Variants in CLPTM1L observed in about 807,000 individuals in gnomAD.
The protein encoded by CLPTM1L is CLPTM1 like, also known as lipid scramblase CLPTM1L.
A neutral mutation model predicts 70.9 loss-of-function variants in CLPTM1L; 38 were observed. That is an observed-to-expected ratio of 0.54 (90% CI 0.41 to 0.70). CLPTM1L has a LOEUF of 0.70. CLPTM1L is among the 30% of genes least tolerant of loss of function. The pLI is 0.00. For synonymous variants in CLPTM1L, 339 were observed against 299.9 expected (o/e 1.13, Z -1.35); for missense variants, 652 against 705.9 (o/e 0.92, Z 0.87).
chr5:1,321,631 T>C lies in CLPTM1L; in HGVS notation c.1416+4A>G, dbSNP rs539152670. The C allele has an allele frequency of 6.2e-7, 1 of 1,613,592 alleles. No individual in the cohort carries two copies. Among genetic ancestry groups the C allele is most frequent in the African/African-American group, 1.3e-5 (1 of 75,048 alleles). On this transcript the variant is annotated splice_donor_region_variant and intron_variant, in intron 15 of 16. Coordinates refer to ENST00000320895, the MANE Select transcript of CLPTM1L (RefSeq NM_030782.5). ...AGGGATTCCTCACCGGCTGTCACAC[T>C]CACCTTGTAGGTGAAGGCCTTCCAG...
intron 6 of CLPTM1L, among the ~76,000 whole-genome samples, chr5:1,334,782 C>CAAAA (rs1215951524): frequency 6.6e-6 from 1 of 151,946 alleles, no homozygotes; most frequent in Non-Finnish European, 1.5e-5. Context: ...AACAAACAAA[C>CAAAA]AATAAAAATA....
intron 3 of CLPTM1L, 95 bp from the exon 4 acceptor site, chr5:1,339,100 A>G (rs1164349853): frequency 2.1e-6 from 3 of 1,409,390 alleles, no homozygotes; most frequent in Admixed American, 2.1e-5. Context: ...GAACGGCCAC[A>G]CAGACAGGCA....
rs939527654 is a variant in CLPTM1L, at chr5:1,318,422, C to T, written c.1564G>A (p.Glu522Lys). ...LYPVDKRRVNEFGESYEEKAT... is the reference protein window; with the variant it reads ...LYPVDKRRVNKFGESYEEKAT... ...TTCTCCTCGTAGGACTCCCCAAACT[C>T]GTTCACTCTGCGTTTATCCACAGGA... Residue 522 changes from glutamate to lysine, a missense_variant, in exon 17 of 17, where the codon GAG (glutamate) becomes AAG (lysine). Glu to Lys is a moderately conservative substitution (Grantham distance 56, BLOSUM62 1). Around this residue, in one of 3 missense-constraint regions of CLPTM1L, gnomAD observed 240 missense variants for 295.0 expected, o/e 0.81. Coordinates refer to ENST00000320895, the MANE Select transcript of CLPTM1L (RefSeq NM_030782.5). The surrounding 1 kb of genome is among the most constrained non-coding windows in gnomAD (Gnocchi z 8.9). 3.7e-6 allele frequency: 6 copies of T among 1,613,794 alleles called. No individual in the cohort carries two copies. The highest frequency in any genetic ancestry group is 2.7e-5 in the African/African-American group (2 of 74,922).
intron 12 of CLPTM1L, among the ~76,000 whole-genome samples, chr5:1,323,291 G>A (rs1432481576): frequency 7.6e-6 from 1 of 131,250 alleles, no homozygotes; most frequent in Non-Finnish European, 1.8e-5. Context: ...AGAGGCTGGA[G>A]GCTCCGGGAT....
At chr5:1,321,735 C>A (rs199731429) in intron 14 of CLPTM1L, 29 bp downstream of exon 14, 5 of 1,613,724 alleles carry the variant, frequency 3.1e-6, no homozygotes, top group African/African-American at 1.3e-5. Flanking sequence ...AGACGGGGGC[C>A]GGGCCGCGGG....
At position 1,320,609 on chromosome 5, in the gene CLPTM1L, C is replaced by T. The variant is rs1429340504; in HGVS notation, c.1532+7G>A. 1 of 1,508,302 alleles carries T rather than the reference C, an allele frequency of 6.6e-7. No homozygotes were observed. The highest frequency in any genetic ancestry group is 9.0e-7 in the Non-Finnish European group (1 of 1,116,870). The allele number at this position is 1,508,302 out of a possible 1,614,324, so 93.4% of individuals were successfully genotyped here. On this transcript the variant is annotated splice_region_variant and intron_variant, in intron 16 of 16. Transcript: ENST00000320895. ...AGCAACGGCCGAGCATACGCAGCCGCACTCACCACCGCTGGTACAGGTAGA... is the reference window on the plus strand; with the variant it reads ...AGCAACGGCCGAGCATACGCAGCCGTACTCACCACCGCTGGTACAGGTAGA...
At chr5:1,323,501 C>A (rs569669076) in intron 12 of CLPTM1L, among the ~76,000 whole-genome samples, 2 of 151,956 alleles carry the variant, frequency 1.3e-5, no homozygotes, top group African/African-American at 4.8e-5. Flanking sequence ...GCCAGCACCC[C>A]ACACGGGCAG....
intron 11 of CLPTM1L, 94 bp from the exon 12 acceptor site, chr5:1,323,963 A>T: frequency 1.0e-6 from 1 of 986,382 alleles, no homozygotes; most frequent in East Asian, 2.5e-5. Context: ...GGACAGACAG[A>T]ACGAGCTACA....
intron 5 of CLPTM1L, among the ~76,000 whole-genome samples, chr5:1,336,651 C>T (rs1429657765): frequency 2.6e-5 from 4 of 152,220 alleles, no homozygotes; most frequent in African/African-American, 9.6e-5. Flanking sequence ...CAGCAAACTC[C>T]AGCAAACAGA....
intron 8 of CLPTM1L, 195 bp downstream of exon 8, chr5:1,331,602 CCT>C (rs1480174899): frequency 1.7e-6 from 1 of 603,942 alleles, no homozygotes; most frequent in African/African-American, 1.9e-5. Flanking sequence ...AGCCGTGCAG[CCT>C]CTGATGGTCC....
rs1412405615 is a variant in CLPTM1L, at chr5:1,342,048, ACGCGTG to A, written c.264-194_264-189del. On this transcript the variant is annotated intron_variant, in intron 2 of 16. Coordinates refer to ENST00000320895, the MANE Select transcript of CLPTM1L (RefSeq NM_030782.5). The surrounding 1 kb of genome is among the most constrained non-coding windows in gnomAD (Gnocchi z 4.3). The stretch of plus-strand genomic sequence containing the variant: ...TGTGTGTGTGTGTGTGTGCACGCGC[ACGCGTG>A]CGCGTCCTGAGAACTCGGCACAGGT... Among the ~76,000 whole-genome samples the A allele has an allele frequency of 9.6e-5, 11 of 114,994 alleles. No homozygotes were observed. The South Asian group carries it at 1.2e-3, about 12-fold the overall frequency. The allele number at this position is 114,994 out of a possible 152,430, so 75.4% of individuals were successfully genotyped here.
At chr5:1,331,620 C>T (rs1753097200) in intron 8 of CLPTM1L, 179 bp downstream of exon 8, 1 of 613,894 alleles carries the variant, frequency 1.6e-6, no homozygotes. Context: ...GGTCCCACCA[C>T]AATTGCCGCA....
chr5:1,335,445 G>A (rs1480321231), intron 5 of CLPTM1L, among the ~76,000 whole-genome samples: 1 of 152,224 alleles, frequency 6.6e-6, no homozygotes, highest in Non-Finnish European at 1.5e-5. Flanking sequence ...TTTGCTGCAC[G>A]TGCCCCTTCA....
chr5:1,326,158 G>A, intron 9 of CLPTM1L: 1 of 328,546 alleles, frequency 3.0e-6, no homozygotes, highest in Admixed American at 4.5e-5. Context: ...GCCAGTTTTG[G>A]GACCGCTCTG....
chr5:1,337,931 C>G lies in CLPTM1L; in HGVS notation c.651G>C (p.Gln217His), dbSNP rs1222661459. Residue 217 changes from glutamine (Q) to histidine (H), a missense_variant, in exon 5 of 17, where the codon CAG becomes CAC. Around this residue, in one of 3 missense-constraint regions of CLPTM1L, gnomAD observed 402 missense variants for 388.2 expected, o/e 1.04. Coordinates refer to ENST00000320895, the MANE Select transcript of CLPTM1L (RefSeq NM_030782.5). ...TCAGGTCCTTCACGCGGTTGCTGAG[C>G]TGGTCGATGAACAGGATGGGCAGGT... ...VHYLPILFID[Q>H]LSNRVKDLMV... 3 of 1,606,640 alleles carry G rather than the reference C, an allele frequency of 1.9e-6. No individual in the cohort carries two copies. Among genetic ancestry groups the G allele is most frequent in the Non-Finnish European group, 2.5e-6 (3 of 1,177,738 alleles).
intron 5 of CLPTM1L, among the ~76,000 whole-genome samples, chr5:1,336,932 G>A (rs1022350916): frequency 4.6e-5 from 7 of 152,272 alleles, no homozygotes; most frequent in East Asian, 1.9e-4. Context: ...TCGCTTCTCC[G>A]TTTCCCAGCT....
chr5:1,330,528 T>TA, intron 8 of CLPTM1L, 145 bp from the exon 9 acceptor site: 1 of 622,002 alleles, frequency 1.6e-6, no homozygotes, highest in Non-Finnish European at 2.9e-6. Context: ...TCACCCCGTT[T>TA]AAAAAGAACA....
At chr5:1,319,515 G>A (rs1439980842) in intron 16 of CLPTM1L, among the ~76,000 whole-genome samples, 2 of 152,372 alleles carry the variant, frequency 1.3e-5, no homozygotes, top group South Asian at 2.1e-4. Context: ...CACCTGGCGA[G>A]GTTGAGTGTG....
chr5:1,332,889 CCT>C (rs1394460197), intron 7 of CLPTM1L, among the ~76,000 whole-genome samples: 1 of 152,152 alleles, frequency 6.6e-6, no homozygotes, highest in Non-Finnish European at 1.5e-5. Context: ...GAACACACCC[CCT>C]GAGGATGAGG....
Sources: allele counts gnomAD v4.1 joint callset (sites outside exome capture counted in the v4.1 genomes callset), GRCh38; gene constraint gnomAD v4.1.1; regional missense constraint gnomAD v4.1.1; non-coding constraint Gnocchi (gnomAD v3.1); transcripts MANE v1.5; gene names NCBI Gene and HGNC (gene_info 2026-07-23, HGNC 2026-07-21).